CNTN5: variants seen among roughly 807,000 people sequenced by gnomAD.
CNTN5 encodes contactin-5.
A neutral mutation model predicts 129.1 loss-of-function variants in CNTN5; 77 were observed. The ratio of observed to expected loss-of-function variants is 0.60; its 90% confidence interval spans 0.50 to 0.72. The LOEUF (loss-of-function observed/expected upper bound fraction) is 0.72, where lower values mean the gene tolerates loss of function less well. CNTN5 is among the 30% of genes least tolerant of loss of function. CNTN5 has a pLI of 0.00. For synonymous variants in CNTN5, 509 were observed against 465.6 expected, an observed-to-expected ratio of 1.09 and a Z score of -1.20; for missense variants, 1,478 against 1,328.8, an observed-to-expected ratio of 1.11 and a Z score of -1.75.
Position 99,282,944 on chromosome 11 carries a change from A to AT in CNTN5, c.-209-42393dup, listed in dbSNP as rs200487980. On this transcript the variant is annotated intron_variant, in intron 1 of 24. Coordinates refer to ENST00000524871, the MANE Select transcript of CNTN5 (RefSeq NM_014361.4). ...CCCCAATCAAATGGAAGAAAGGCTC[A>AT]TTTTTTTTTCCTAAAATGTAGGAGC... Among the ~76,000 whole-genome samples, 34 of 151,334 alleles carry AT rather than the reference A, an allele frequency of 2.2e-4. No individual in the cohort carries two copies. In the East Asian group the frequency reaches 3.5e-3, roughly 16 times the overall value.
At chr11:99,172,905 G>GCTTA (rs1413780452) in intron 1 of CNTN5, among the ~76,000 whole-genome samples, 1 of 152,164 alleles carries the variant, frequency 6.6e-6, no homozygotes, top group African/African-American at 2.4e-5. Flanking sequence ...TTTTCACACT[G>GCTTA]CTTATAAAGA....
At chr11:100,201,550 CTTTCT>C (rs1441928666) in intron 15 of CNTN5, among the ~76,000 whole-genome samples, 1 of 151,838 alleles carries the variant, frequency 6.6e-6, no homozygotes, top group Non-Finnish European at 1.5e-5. Context: ...ATAATCGGTA[CTTTCT>C]TTTATTTATA....
At chr11:99,829,487 A>G (rs1045134513) in intron 4 of CNTN5, among the ~76,000 whole-genome samples, 11 of 152,172 alleles carry the variant, frequency 7.2e-5, no homozygotes, top group Non-Finnish European at 1.2e-4. Flanking sequence ...ATGAATAAAA[A>G]CTTCTGAGCT....
chr11:99,286,310 C>T (rs566476813), intron 1 of CNTN5, among the ~76,000 whole-genome samples: 15 of 152,198 alleles, frequency 9.9e-5, no homozygotes, highest in Admixed American at 2.6e-4. Context: ...GCTGTTATCC[C>T]GTTTCCAACT....
chr11:99,194,256 A>G (rs1858791095), intron 1 of CNTN5, among the ~76,000 whole-genome samples: 1 of 152,148 alleles, frequency 6.6e-6, no homozygotes, highest in Admixed American at 6.5e-5. Flanking sequence ...AATGTTTAAT[A>G]GGAGTTCTGA....
intron 3 of CNTN5, among the ~76,000 whole-genome samples, chr11:99,738,205 T>C (rs2135141738): frequency 6.6e-6 from 1 of 152,236 alleles, no homozygotes; most frequent in African/African-American, 2.4e-5. Flanking sequence ...AAAGTGATGA[T>C]TAAGATGAGG....
intron 6 of CNTN5, among the ~76,000 whole-genome samples, chr11:99,855,099 A>G (rs997412980): frequency 2.0e-5 from 3 of 152,120 alleles, no homozygotes; most frequent in African/African-American, 4.8e-5. Flanking sequence ...ACTTGAGGCT[A>G]GGAGTTCAAG....
chr11:99,218,120 A>G (rs895058217), intron 1 of CNTN5, among the ~76,000 whole-genome samples: 3 of 152,060 alleles, frequency 2.0e-5, no homozygotes, highest in African/African-American at 7.2e-5. Context: ...TCCTTTGCCA[A>G]ATCTAATGGT....
chr11:100,191,259 A>G lies in CNTN5; in HGVS notation c.1708+6A>G, dbSNP rs753820368. 2 of 1,609,100 alleles carry G rather than the reference A, an allele frequency of 1.2e-6. No homozygotes were observed. The highest frequency in any genetic ancestry group is 3.4e-5 in the Admixed American group (2 of 59,244). On this transcript the variant is annotated splice_donor_region_variant and intron_variant, in intron 14 of 24. Coordinates refer to ENST00000524871, the MANE Select transcript of CNTN5 (RefSeq NM_014361.4). ...AGCTTCGCTATCTGTAAAAGGTAAG[A>G]CAGCACGGGTAAATGTTTTACAAGC...
chr11:99,090,714 C>T (rs1866204441), intron 1 of CNTN5, among the ~76,000 whole-genome samples: 1 of 140,188 alleles, frequency 7.1e-6, no homozygotes, highest in African/African-American at 2.6e-5. Context: ...ATGTATTGTG[C>T]TCACCAGAAA....
chr11:100,211,826 A>G (rs977445728), intron 15 of CNTN5, among the ~76,000 whole-genome samples: 1 of 152,158 alleles, frequency 6.6e-6, no homozygotes, highest in Non-Finnish European at 1.5e-5. Context: ...TCATTTGAAC[A>G]TATTAAAACT....
chr11:99,797,016 C>T (rs1333452056), intron 3 of CNTN5, among the ~76,000 whole-genome samples: 1 of 151,996 alleles, frequency 6.6e-6, no homozygotes, highest in Non-Finnish European at 1.5e-5. Context: ...GGCACCCTAG[C>T]TTCATGCAGG....
chr11:99,307,304 A>G (rs898627319), intron 1 of CNTN5, among the ~76,000 whole-genome samples: 3 of 151,608 alleles, frequency 2.0e-5, no homozygotes, highest in Admixed American at 6.6e-5. Flanking sequence ...TTTTCTTTTC[A>G]TGGTGCTTTT....
intron 13 of CNTN5, among the ~76,000 whole-genome samples, chr11:100,096,365 A>G (rs551744650): frequency 6.6e-6 from 1 of 152,118 alleles, no homozygotes; most frequent in Non-Finnish European, 1.5e-5. Flanking sequence ...AGTAGAGCAC[A>G]TGGCTCATGT....
At chr11:99,470,671 G>T (rs142464612) in intron 2 of CNTN5, among the ~76,000 whole-genome samples, 1 of 151,928 alleles carries the variant, frequency 6.6e-6, no homozygotes, top group Non-Finnish European at 1.5e-5. Flanking sequence ...CCCCAAAGAG[G>T]CATCAAACTT....
chr11:99,102,051 C>A (rs1866760693), intron 1 of CNTN5, among the ~76,000 whole-genome samples: 1 of 152,122 alleles, frequency 6.6e-6, no homozygotes, highest in Non-Finnish European at 1.5e-5. Flanking sequence ...ATTTTGTGTG[C>A]CTACAGTCTC....
rs1330060410 is a variant in CNTN5, at chr11:100,118,176, A to T, written c.1580+43882A>T. Among the ~76,000 whole-genome samples, 4 of 151,874 alleles carry T rather than the reference A, an allele frequency of 2.6e-5. No homozygotes were observed. In the East Asian group the frequency reaches 7.7e-4, roughly 29 times the overall value. On this transcript the variant is annotated intron_variant, in intron 13 of 24. Coordinates refer to ENST00000524871, the MANE Select transcript of CNTN5 (RefSeq NM_014361.4). ...AAGTAAATTTGTATCACTTTTGAGT[A>T]TATCATGTGCTTTTAAAATAACCAC... is the stretch of plus-strand genomic sequence containing the variant.
At chr11:99,892,320 C>A (rs1048483649) in intron 6 of CNTN5, among the ~76,000 whole-genome samples, 1 of 152,266 alleles carries the variant, frequency 6.6e-6, no homozygotes, top group East Asian at 1.9e-4. Flanking sequence ...TGCAGAAGCT[C>A]TTTAGTTTAA....
At chr11:99,995,229 A>C (rs962501271) in intron 8 of CNTN5, among the ~76,000 whole-genome samples, 2 of 152,110 alleles carry the variant, frequency 1.3e-5, no homozygotes, top group Non-Finnish European at 2.9e-5. Context: ...GATCTGTCAG[A>C]GATGGTACAG....
Sources: allele counts gnomAD v4.1 joint callset (sites outside exome capture counted in the v4.1 genomes callset), GRCh38; gene constraint gnomAD v4.1.1; transcripts MANE v1.5; gene names NCBI Gene and HGNC (gene_info 2026-07-23, HGNC 2026-07-21).